Variants in CDKN2B-AS1 observed in about 807,000 individuals in gnomAD.
CDKN2B-AS1 encodes CDKN2B and CDKN2A antisense cis and trans regulatory RNA 1.
intron 4 of CDKN2B-AS1, among the ~76,000 whole-genome samples, chr9:22,098,576 C>T (rs901080815): frequency 6.6e-6 from 1 of 152,162 alleles, no homozygotes; most frequent in African/African-American, 2.4e-5. Context: ...TTCTATAGCA[C>T]AGGATGTTCC....
At chr9:22,074,095 T>C (rs1281728272) in intron 4 of CDKN2B-AS1, among the ~76,000 whole-genome samples, 1 of 152,116 alleles carries the variant, frequency 6.6e-6, no homozygotes, top group Non-Finnish European at 1.5e-5. Context: ...ACTCCTAGGC[T>C]CAAGTGATCT....
chr9:22,025,400 C>G (rs1050345855), intron 1 of CDKN2B-AS1, among the ~76,000 whole-genome samples: 4 of 152,126 alleles, frequency 2.6e-5, no homozygotes, highest in Admixed American at 6.5e-5. Flanking sequence ...AGTTCCATTG[C>G]AGAGGTAGTG....
intron 1 of CDKN2B-AS1, among the ~76,000 whole-genome samples, chr9:22,022,270 C>CTAT (rs749936657): frequency 4.0e-5 from 6 of 151,694 alleles, no homozygotes; most frequent in Non-Finnish European, 8.8e-5. Flanking sequence ...AAGTCTCCCA[C>CTAT]TATTATTGTG....
intron 1 of CDKN2B-AS1, among the ~76,000 whole-genome samples, chr9:22,036,327 T>C (rs1355489552): frequency 6.6e-6 from 1 of 152,096 alleles, no homozygotes; most frequent in Non-Finnish European, 1.5e-5. Flanking sequence ...ATAGTATAAG[T>C]CTTTACACAC....
At chr9:22,022,564 G>A (rs962432736) in intron 1 of CDKN2B-AS1, among the ~76,000 whole-genome samples, 4 of 151,954 alleles carry the variant, frequency 2.6e-5, no homozygotes, top group African/African-American at 7.3e-5. Flanking sequence ...TGGATCTCTT[G>A]AAGACAGCAT....
intron 4 of CDKN2B-AS1, among the ~76,000 whole-genome samples, chr9:22,100,083 G>T (rs1825430899): frequency 6.6e-6 from 1 of 151,988 alleles, no homozygotes; most frequent in Non-Finnish European, 1.5e-5. Context: ...ATTGGTTATG[G>T]GATAAAGGCG....
chr9:22,085,839 T>C (rs1824853454), intron 4 of CDKN2B-AS1, among the ~76,000 whole-genome samples: 1 of 152,040 alleles, frequency 6.6e-6, no homozygotes, highest in Non-Finnish European at 1.5e-5. Context: ...AGGTCTCCTG[T>C]GCCAAATGTC....
intron 4 of CDKN2B-AS1, among the ~76,000 whole-genome samples, chr9:22,123,744 T>A (rs574195528): frequency 1.3e-5 from 2 of 152,142 alleles, no homozygotes; most frequent in African/African-American, 2.4e-5. Flanking sequence ...GGGATTAGAT[T>A]TATCTGTGTT....
At chr9:22,098,321 A>G (rs1386337662) in intron 4 of CDKN2B-AS1, among the ~76,000 whole-genome samples, 6 of 151,644 alleles carry the variant, frequency 4.0e-5, no homozygotes, top group Admixed American at 3.3e-4. Context: ...GGACTATAAT[A>G]TATCTTTATA....
At position 22,029,448 on chromosome 9, in the gene CDKN2B-AS1, C is replaced by T. The variant is rs774510475; in HGVS notation, n.30-17303C>T. On this transcript the variant is annotated intron_variant and non_coding_transcript_variant, in intron 1 of 4. Transcript: ENST00000650946. ...TGTTTTGCAGGACTATTTGCCACGACATTTCAAAGGATTCCAAGAGAGAAT... is the reference window on the plus strand; with the variant it reads ...TGTTTTGCAGGACTATTTGCCACGATATTTCAAAGGATTCCAAGAGAGAAT... 14 of 779,448 alleles carry T rather than the reference C, an allele frequency of 1.8e-5. No individual in the cohort carries two copies. The South Asian group carries it at 1.9e-4, about 10-fold the overall frequency. The allele number at this position is 779,448 out of a possible 1,614,324, so 48.3% of individuals were successfully genotyped here.
intron 1 of CDKN2B-AS1, chr9:22,009,165 C>A: frequency 1.5e-6 from 1 of 672,280 alleles, no homozygotes; most frequent in Non-Finnish European, 2.6e-6. Context: ...CTTTTCCTGG[C>A]GCTCAAGAAC....
At chr9:22,064,401 G>A (rs1200411350) in intron 4 of CDKN2B-AS1, among the ~76,000 whole-genome samples, 1 of 152,122 alleles carries the variant, frequency 6.6e-6, no homozygotes, top group Non-Finnish European at 1.5e-5. Flanking sequence ...GGGCTTATTG[G>A]GGATGGGGTC....
chr9:22,102,961 C>G (rs1825534846), intron 4 of CDKN2B-AS1, among the ~76,000 whole-genome samples: 1 of 152,108 alleles, frequency 6.6e-6, no homozygotes, highest in African/African-American at 2.4e-5. Context: ...CAGAGATGGT[C>G]CTTGCTCTCA....
chr9:22,110,212 G>A (rs1825769786), intron 4 of CDKN2B-AS1, among the ~76,000 whole-genome samples: 1 of 152,122 alleles, frequency 6.6e-6, no homozygotes, highest in African/African-American at 2.4e-5. Context: ...CTTAAAGGCT[G>A]AACTGAATTC....
At chr9:22,021,628 A>G (rs1349246049) in intron 1 of CDKN2B-AS1, among the ~76,000 whole-genome samples, 1 of 151,994 alleles carries the variant, frequency 6.6e-6, no homozygotes, top group African/African-American at 2.4e-5. Context: ...TTCTCCTTGT[A>G]GAGATTTTTT....
At chr9:22,098,060 G>C (rs1437271785) in intron 4 of CDKN2B-AS1, among the ~76,000 whole-genome samples, 1 of 152,040 alleles carries the variant, frequency 6.6e-6, no homozygotes, top group Non-Finnish European at 1.5e-5. Context: ...GGCAAATTTA[G>C]AGGCTCATAA....
chr9:22,022,731 T>C (rs948474488), intron 1 of CDKN2B-AS1, among the ~76,000 whole-genome samples: 2 of 152,204 alleles, frequency 1.3e-5, no homozygotes, highest in African/African-American at 4.8e-5. Flanking sequence ...TACTAATTTG[T>C]GTACTTCAGT....
intron 1 of CDKN2B-AS1, among the ~76,000 whole-genome samples, chr9:22,011,697 C>G (rs1199169929): frequency 6.6e-6 from 1 of 152,186 alleles, no homozygotes; most frequent in East Asian, 1.9e-4. Flanking sequence ...TACCAGACTT[C>G]AAAGATGACA....
At chr9:22,018,195 G>A (rs1480240669) in intron 1 of CDKN2B-AS1, among the ~76,000 whole-genome samples, 1 of 151,788 alleles carries the variant, frequency 6.6e-6, no homozygotes, top group Non-Finnish European at 1.5e-5. Context: ...GTGGTGTCAG[G>A]CACCTGTAAT....
Sources: gnomAD v4.1 joint callset for allele counts (sites outside exome capture counted in the v4.1 genomes callset) on GRCh38, gnomAD v4.1.1 for gene constraint, MANE v1.5 for transcripts, NCBI Gene and HGNC (gene_info 2026-07-23, HGNC 2026-07-21) for gene names.